Variants in MCTP1 observed in about 807,000 individuals in gnomAD.
MCTP1 encodes multiple C2 and transmembrane domain-containing protein 1.
MCTP1 carries 69 observed loss-of-function variants against 120.6 expected under a neutral mutation model. The observed-to-expected ratio is 0.57, with a 90% confidence interval of 0.47 to 0.70. The LOEUF (loss-of-function observed/expected upper bound fraction) is 0.70. Ranked by LOEUF, MCTP1 falls within the 30% of genes least tolerant of loss-of-function variation. The probability of loss-of-function intolerance (pLI) is 0.00; values close to 1 mark genes in which losing one functional copy is unlikely to be tolerated. For synonymous variants in MCTP1, 529 were observed against 493.1 expected (o/e 1.07, Z -0.96); for missense variants, 1,203 against 1,248.8 (o/e 0.96, Z 0.55).
Position 94,894,741 on chromosome 5 carries a change from T to A in MCTP1, c.1747A>T (p.Thr583Ser). The stretch of plus-strand genomic sequence containing the variant: ...CTGACTGTGGCTGATGCTGTCAGAG[T>A]GACCAGCAGCACCAGGTGTCCCTCA... ...EGEGHLVLLVTLTASATVSIS... is the reference protein window; with the variant it reads ...EGEGHLVLLVSLTASATVSIS... The change falls in exon 11 of 23, where the codon ACT becomes TCT. Residue 583 changes from threonine (T) to serine (S), a missense_variant. Thr to Ser is a moderately conservative substitution (Grantham distance 58). Coordinates refer to ENST00000515393, the MANE Select transcript of MCTP1 (RefSeq NM_024717.7). The A allele has an allele frequency of 6.2e-7, 1 of 1,613,650 alleles. No homozygotes were observed. Among genetic ancestry groups the A allele is most frequent in the South Asian group, 1.1e-5 (1 of 91,052 alleles).
At chr5:95,254,251 C>T (rs1582668104) in intron 1 of MCTP1, among the ~76,000 whole-genome samples, 2 of 152,120 alleles carry the variant, frequency 1.3e-5, no homozygotes, top group East Asian at 1.9e-4. Flanking sequence ...ACATTTGTTA[C>T]GGCTAACATT....
intron 1 of MCTP1, among the ~76,000 whole-genome samples, chr5:95,126,382 ATAAC>A (rs925072627): frequency 3.3e-5 from 5 of 152,250 alleles, no homozygotes; most frequent in African/African-American, 1.2e-4. Flanking sequence ...CGAGTCATAA[ATAAC>A]AGCCACAGTG....
At chr5:94,962,204 AACTAGTACAACC>A (rs917528211) in intron 2 of MCTP1, among the ~76,000 whole-genome samples, 1 of 152,130 alleles carries the variant, frequency 6.6e-6, no homozygotes, top group African/African-American at 2.4e-5. Context: ...TGGGAGTATA[AACTAGTACAACC>A]ACTATGGAAA....
At chr5:95,201,651 C>T (rs1751069475) in intron 1 of MCTP1, among the ~76,000 whole-genome samples, 2 of 151,290 alleles carry the variant, frequency 1.3e-5, no homozygotes, top group South Asian at 4.2e-4. Flanking sequence ...ATTATAGGTG[C>T]CCGCCATCAT....
chr5:95,130,795 G>T (rs1027623124), intron 1 of MCTP1, among the ~76,000 whole-genome samples: 1 of 152,040 alleles, frequency 6.6e-6, no homozygotes, highest in African/African-American at 2.4e-5. Flanking sequence ...CCTTTTCAAA[G>T]GTCTTATTTT....
chr5:94,714,682 C>G (rs1758426961), intron 20 of MCTP1, 95 bp downstream of exon 20: 1 of 783,196 alleles, frequency 1.3e-6, no homozygotes. Context: ...GAAGGAGTGT[C>G]CCCTGCCAAA....
intron 1 of MCTP1, among the ~76,000 whole-genome samples, chr5:95,121,665 G>A (rs931964123): frequency 6.6e-6 from 1 of 151,274 alleles, no homozygotes; most frequent in Non-Finnish European, 1.5e-5. Context: ...AATTTAAATA[G>A]AACCAGAAAA....
intron 6 of MCTP1, chr5:94,929,748 G>A (rs895509757): frequency 5.7e-6 from 5 of 882,588 alleles, no homozygotes; most frequent in South Asian, 1.0e-4. Flanking sequence ...ACTTTCCCCC[G>A]ATTTTGGATT....
At chr5:95,106,107 T>G (rs1234281217) in intron 1 of MCTP1, among the ~76,000 whole-genome samples, 1 of 152,250 alleles carries the variant, frequency 6.6e-6, no homozygotes. Flanking sequence ...ATGGTGATCA[T>G]CTGCTGGTAT....
chr5:95,140,879 CAAAAAAAAAAA>C (rs33910299), intron 1 of MCTP1, among the ~76,000 whole-genome samples: 4 of 45,340 alleles, frequency 8.8e-5, no homozygotes, highest in East Asian at 6.4e-4. Flanking sequence ...GACTCCGTCT[CAAAAAAAAAAA>C]AAAAAAAAAA....
chr5:94,834,608 T>C (rs977863459), intron 17 of MCTP1, among the ~76,000 whole-genome samples: 2 of 152,026 alleles, frequency 1.3e-5, no homozygotes, highest in Non-Finnish European at 2.9e-5. Flanking sequence ...CCAGGAACAG[T>C]AGGCAGTGGC....
chr5:95,036,173 T>A (rs1370901440), intron 1 of MCTP1, among the ~76,000 whole-genome samples: 1 of 152,152 alleles, frequency 6.6e-6, no homozygotes, highest in Non-Finnish European at 1.5e-5. Context: ...TGCACTAACT[T>A]GTTAGTTGCT....
At chr5:94,784,310 G>A (rs572920865) in intron 18 of MCTP1, among the ~76,000 whole-genome samples, 1 of 152,160 alleles carries the variant, frequency 6.6e-6, no homozygotes, top group African/African-American at 2.4e-5. Flanking sequence ...GCATTTATGT[G>A]CCAATTGGTT....
intron 1 of MCTP1, among the ~76,000 whole-genome samples, chr5:95,173,296 A>G (rs1000117833): frequency 6.6e-6 from 1 of 152,218 alleles, no homozygotes; most frequent in Non-Finnish European, 1.5e-5. Flanking sequence ...TCCTCTATTC[A>G]AATTGCAAGA....
chr5:94,704,559 ACT>A lies in MCTP1; in HGVS notation c.*2935_*2936del. ...AGCATTTACTTCTGAGTTTTTCTTC[ACT>A]TTTAAATGCAGAATAAAAATTTTAT... On this transcript the variant is annotated 3_prime_UTR_variant, in exon 23 of 23. Transcript: ENST00000515393. 1 of 151,296 alleles carries A rather than the reference ACT, an allele frequency of 6.6e-6. No individual in the cohort carries two copies. Among genetic ancestry groups the A allele is most frequent in the Non-Finnish European group, 1.5e-5 (1 of 67,558 alleles). 9.4% of individuals were successfully genotyped at this position (151,296 alleles called of 1,614,324 possible).
intron 17 of MCTP1, chr5:94,867,075 C>T (rs1796952581): frequency 4.4e-6 from 2 of 452,882 alleles, no homozygotes; most frequent in African/African-American, 2.0e-5. Context: ...GACATAGAAG[C>T]TCAGTATCAT....
intron 1 of MCTP1, among the ~76,000 whole-genome samples, chr5:95,280,286 A>G (rs943098982): frequency 6.6e-6 from 1 of 152,176 alleles, no homozygotes; most frequent in Non-Finnish European, 1.5e-5. Context: ...TCTAACATAC[A>G]CTGAATAATT....
chr5:95,007,204 C>T (rs933517601), intron 2 of MCTP1, among the ~76,000 whole-genome samples: 12 of 152,080 alleles, frequency 7.9e-5, no homozygotes, highest in African/African-American at 2.9e-4. Flanking sequence ...TAATCGCCCC[C>T]ACAATTCAAT....
intron 2 of MCTP1, among the ~76,000 whole-genome samples, chr5:94,960,974 T>C (rs1823990052): frequency 6.6e-6 from 1 of 152,162 alleles, no homozygotes; most frequent in African/African-American, 2.4e-5. Context: ...CATGCACACG[T>C]ATGTTTACTG....
Sources: allele counts gnomAD v4.1 joint callset (sites outside exome capture counted in the v4.1 genomes callset), GRCh38; gene constraint gnomAD v4.1.1; transcripts MANE v1.5; gene names NCBI Gene and HGNC (gene_info 2026-07-23, HGNC 2026-07-21).